Variants in CDH4 observed in about 807,000 individuals in gnomAD.
CDH4 encodes the protein cadherin-4.
A neutral mutation model predicts 86.0 loss-of-function variants in CDH4; 33 were observed. The observed-to-expected ratio is 0.38, with a 90% CI of 0.29 to 0.51. The LOEUF (loss-of-function observed/expected upper bound fraction) is 0.51. Ranked by LOEUF, CDH4 falls within the 20% of genes least tolerant of loss-of-function variation. CDH4 has a pLI of 0.86. For synonymous variants in CDH4, 555 were observed against 549.4 expected, an observed-to-expected ratio of 1.01 and a Z score of -0.14; for missense variants, 1,114 against 1,307.4, an observed-to-expected ratio of 0.85 and a Z score of 2.28.
chr20:61,361,677 C>T (rs918392428), intron 2 of CDH4, among the ~76,000 whole-genome samples: 4 of 152,214 alleles, frequency 2.6e-5, no homozygotes, highest in African/African-American at 4.8e-5. Flanking sequence ...GGACCCAACC[C>T]AAGCTCAGGG....
chr20:61,543,178 C>T (rs2086053244), intron 2 of CDH4, among the ~76,000 whole-genome samples: 1 of 152,308 alleles, frequency 6.6e-6, no homozygotes, highest in African/African-American at 2.4e-5. Flanking sequence ...TCTTCCAGTC[C>T]ACTGACTCAA....
At position 61,559,519 on chromosome 20, in the gene CDH4, C is replaced by CTTTTTTTTTTTTTTTTTTTTTTT. The variant is rs1156864328; in HGVS notation, c.170-184025_170-184024insTTTTTTTTTTTTTTTTTTTTTTT. Among the ~76,000 whole-genome samples, 8 of 105,176 alleles carry CTTTTTTTTTTTTTTTTTTTTTTT rather than the reference C, an allele frequency of 7.6e-5. 1 individual carries two copies. The highest frequency in any genetic ancestry group is 1.7e-4 in the African/African-American group (4 of 23,706). The allele number at this position is 105,176 out of a possible 152,430, so 69.0% of individuals were successfully genotyped here. On this transcript the variant is annotated intron_variant, in intron 2 of 15. Transcript: ENST00000614565. ...TCTCCTTTCTTTTTAATTTTTTTTTCTTTTTTTTTTTTTTTTTTTGACACA... is the reference window on the plus strand; with the variant it reads ...TCTCCTTTCTTTTTAATTTTTTTTTCTTTTTTTTTTTTTTTTTTTTTTTTTTTTTTTTTTTTTTTTTTGACACA...
intron 2 of CDH4, among the ~76,000 whole-genome samples, chr20:61,557,701 C>T (rs73320399): frequency 0.033 from 4,979 of 149,628 alleles, 263 homozygotes; most frequent in African/African-American, 0.11. Flanking sequence ...GCTTCGATTT[C>T]GGCGGGAGAG....
intron 2 of CDH4, among the ~76,000 whole-genome samples, chr20:61,342,182 A>T (rs1258331909): frequency 6.6e-6 from 1 of 152,198 alleles, no homozygotes; most frequent in Non-Finnish European, 1.5e-5. Flanking sequence ...TTTTGGCACC[A>T]CGGACCCGTT....
intron 2 of CDH4, among the ~76,000 whole-genome samples, chr20:61,678,215 A>C (rs1258852639): frequency 6.6e-6 from 1 of 152,160 alleles, no homozygotes; most frequent in Admixed American, 6.5e-5. Flanking sequence ...CCACACATAC[A>C]CAGATGACAG....
At chr20:61,404,206 C>T (rs2085067003) in intron 2 of CDH4, among the ~76,000 whole-genome samples, 1 of 152,064 alleles carries the variant, frequency 6.6e-6, no homozygotes, top group Non-Finnish European at 1.5e-5. Context: ...TCCCAGGGCA[C>T]ATTTCTTCTC....
chr20:61,419,895 A>C (rs1170580197), intron 2 of CDH4, among the ~76,000 whole-genome samples: 1 of 152,190 alleles, frequency 6.6e-6, no homozygotes, highest in Non-Finnish European at 1.5e-5. Context: ...AATTATACAA[A>C]CATTGGCATC....
intron 2 of CDH4, among the ~76,000 whole-genome samples, chr20:61,406,461 A>G (rs367625250): frequency 0.02 from 2,880 of 140,592 alleles, 75 homozygotes; most frequent in African/African-American, 0.069. Flanking sequence ...ACCATCTGCC[A>G]TCTGCTCTGC....
rs113991705 is a variant in CDH4 at position 61,461,433 on chromosome 20, A to G, written c.169+206496A>G. Among the ~76,000 whole-genome samples the G allele has an allele frequency of 6.9e-3, 1,052 of 152,308 alleles. 11 individuals are homozygous for G. Among genetic ancestry groups the G allele is most frequent in the African/African-American group, 0.024 (990 of 41,564 alleles). On this transcript the variant is annotated intron_variant, in intron 2 of 15. Coordinates refer to ENST00000614565, the MANE Select transcript of CDH4 (RefSeq NM_001794.5). The stretch of plus-strand genomic sequence containing the variant: ...CAGCAGCAGTGAGGAGCCTCTGTAG[A>G]ATACCTTTGTAGGAAATTAAAAGTG...
At chr20:61,573,581 G>A (rs957543358) in intron 2 of CDH4, among the ~76,000 whole-genome samples, 2 of 152,130 alleles carry the variant, frequency 1.3e-5, no homozygotes, top group African/African-American at 2.4e-5. Context: ...CCTGACCAGC[G>A]TGGGCACCCC....
At chr20:61,306,244 C>T (rs967510598) in intron 2 of CDH4, among the ~76,000 whole-genome samples, 5 of 152,170 alleles carry the variant, frequency 3.3e-5, no homozygotes, top group Admixed American at 6.5e-5. Flanking sequence ...GAATATTATA[C>T]GTAAAACATT....
intron 4 of CDH4, among the ~76,000 whole-genome samples, chr20:61,823,769 T>C (rs1981178267): frequency 6.6e-6 from 1 of 152,244 alleles, no homozygotes; most frequent in Non-Finnish European, 1.5e-5. Flanking sequence ...CACAAGAATA[T>C]ATGTGTGTAG....
At chr20:61,756,336 G>A (rs1385003162) in intron 3 of CDH4, among the ~76,000 whole-genome samples, 1 of 152,178 alleles carries the variant, frequency 6.6e-6, no homozygotes, top group African/African-American at 2.4e-5. Flanking sequence ...GGGTTGCTGA[G>A]CTGTGGAGGT....
chr20:61,906,856 G>A (rs775828517), intron 8 of CDH4, among the ~76,000 whole-genome samples: 87 of 152,138 alleles, frequency 5.7e-4, no homozygotes, highest in South Asian at 8.3e-4. Flanking sequence ...CCAGAGCAGC[G>A]TCTGTGTGTT....
At chr20:61,533,539 G>A (rs1318719379) in intron 2 of CDH4, among the ~76,000 whole-genome samples, 1 of 152,266 alleles carries the variant, frequency 6.6e-6, no homozygotes, top group Admixed American at 6.5e-5. Flanking sequence ...CCCTGGCGGG[G>A]CCCTGGCCGG....
In CDH4 at chr20:61,870,781, T is replaced by C. The variant is rs150375968; in HGVS notation, c.878-2947T>C. On this transcript the variant is annotated intron_variant, in intron 6 of 15. Transcript: ENST00000614565. ...CGTAGAGATGGGTGGTTTCAAATAG[T>C]GCCTGATGCGCCAACATTGGCTTCA... Among the ~76,000 whole-genome samples, 718 of 152,280 alleles carry C rather than the reference T, an allele frequency of 4.7e-3. 4 individuals are homozygous for C. The highest frequency in any genetic ancestry group is 0.015 in the African/African-American group (615 of 41,570).
intron 2 of CDH4, among the ~76,000 whole-genome samples, chr20:61,432,050 G>A (rs1329521597): frequency 6.6e-6 from 1 of 152,180 alleles, no homozygotes; most frequent in East Asian, 1.9e-4. Context: ...CCCTTCTGAT[G>A]TGCACTCTGA....
intron 2 of CDH4, among the ~76,000 whole-genome samples, chr20:61,694,048 A>G (rs2087690540): frequency 6.6e-6 from 1 of 151,768 alleles, no homozygotes; most frequent in African/African-American, 2.4e-5. Context: ...GCCCGCCATG[A>G]CACCCAGCTA....
intron 2 of CDH4, among the ~76,000 whole-genome samples, chr20:61,629,229 A>AG (rs1369879475): frequency 1.3e-5 from 2 of 152,188 alleles, no homozygotes; most frequent in Non-Finnish European, 2.9e-5. Context: ...GGTGCAGGCC[A>AG]GGGAGCCCCC....
Sources: allele counts gnomAD v4.1 joint callset (sites outside exome capture counted in the v4.1 genomes callset), GRCh38; gene constraint gnomAD v4.1.1; transcripts MANE v1.5; gene names NCBI Gene and HGNC (gene_info 2026-07-23, HGNC 2026-07-21).